BBOF1: variants seen among roughly 807,000 people sequenced by gnomAD.
BBOF1 encodes the protein basal body-orientation factor 1.
BBOF1 carries 62 observed loss-of-function variants against 68.0 expected under a neutral mutation model. The observed-to-expected ratio is 0.91, with a 90% confidence interval of 0.74 to 1.13. The LOEUF (loss-of-function observed/expected upper bound fraction) is 1.13. Among genes scored for constraint, BBOF1 ranks in the 50% most tolerant of loss-of-function variants. The probability of loss-of-function intolerance (pLI) is 0.00; values close to 1 mark genes in which losing one functional copy is unlikely to be tolerated. For missense variants in BBOF1, 534 were observed against 600.1 expected (o/e 0.89, Z 1.15); for synonymous variants, 208 against 198.8 (o/e 1.05, Z -0.39).
rs766493942 is a variant in BBOF1 at position 74,023,653 on chromosome 14, C to T, written c.285+509C>T. Among the ~76,000 whole-genome samples the T allele has an allele frequency of 1.4e-4, 21 of 151,988 alleles. 1 individual carries two copies. Among genetic ancestry groups the T allele is most frequent in the Admixed American group, 3.3e-4 (5 of 15,242 alleles). On this transcript the variant is annotated intron_variant, in intron 2 of 11. Coordinates refer to ENST00000394009, the MANE Select transcript of BBOF1 (RefSeq NM_025057.3). The stretch of plus-strand genomic sequence containing the variant: ...AAAGGAGGCCGGGTGTGGTGGCTCA[C>T]GCCTGTAATCCCACCACTTTGGGAG...
At chr14:74,075,578 G>A (rs1372122844) in intron 9 of BBOF1, among the ~76,000 whole-genome samples, 1 of 151,952 alleles carries the variant, frequency 6.6e-6, no homozygotes, top group Non-Finnish European at 1.5e-5. Flanking sequence ...GATTGCTTCA[G>A]CCCGGGAGGG....
chr14:74,049,014 A>G (rs2060010562), intron 7 of BBOF1, among the ~76,000 whole-genome samples: 1 of 152,102 alleles, frequency 6.6e-6, no homozygotes, highest in Non-Finnish European at 1.5e-5. Flanking sequence ...CTGGGACTAC[A>G]GGCATGCACC....
intron 1 of BBOF1, 26 bp from the exon 2 acceptor site, chr14:74,022,890 A>G (rs750883324): frequency 1.5e-6 from 2 of 1,319,484 alleles, no homozygotes; most frequent in South Asian, 2.5e-5. Flanking sequence ...ATAGTCATAT[A>G]CTGTCAATAT....
At chr14:74,077,737 A>G (rs1376230206) in intron 9 of BBOF1, among the ~76,000 whole-genome samples, 1 of 152,190 alleles carries the variant, frequency 6.6e-6, no homozygotes, top group East Asian at 1.9e-4. Flanking sequence ...TTAAATTTCA[A>G]CATGAGTTTT....
At chr14:74,066,744 A>G (rs1189108377), downstream of BBOF1, 13 of 1,613,930 alleles carry the variant, frequency 8.1e-6, no homozygotes, top group South Asian at 2.2e-5. Flanking sequence ...CAAAGTTGCC[A>G]TTTTCATAGC....
intron 1 of BBOF1, among the ~76,000 whole-genome samples, chr14:74,021,197 A>G (rs1179023471): frequency 1.3e-5 from 2 of 152,198 alleles, no homozygotes; most frequent in Admixed American, 6.5e-5. Flanking sequence ...TGCTTATACA[A>G]TAAATATTTA....
chr14:74,072,853 A>G (rs2060569371), intron 9 of BBOF1, among the ~76,000 whole-genome samples: 1 of 151,906 alleles, frequency 6.6e-6, no homozygotes, highest in Non-Finnish European at 1.5e-5. Flanking sequence ...TCTGGAGCAC[A>G]CAGTGGTATG....
intron 9 of BBOF1, among the ~76,000 whole-genome samples, chr14:74,073,453 C>T (rs1230508108): frequency 1.3e-5 from 2 of 152,046 alleles, no homozygotes; most frequent in African/African-American, 4.8e-5. Context: ...TGTGATCTCT[C>T]TGAGAATGGG....
At chr14:74,046,004 G>A (rs550497091) in intron 5 of BBOF1, 56 bp from the exon 6 acceptor site, 3 of 1,448,152 alleles carry the variant, frequency 2.1e-6, no homozygotes, top group East Asian at 4.8e-5. Context: ...ATCTTTTGAT[G>A]AGTAAAATTT....
chr14:74,082,474 ACTGCAAC>A (rs2060680125), intron 12 of BBOF1, among the ~76,000 whole-genome samples: 3 of 131,564 alleles, frequency 2.3e-5, no homozygotes, highest in Non-Finnish European at 4.6e-5. Context: ...ATCTCAGCTC[ACTGCAAC>A]CTCCGTCTTC....
intron 9 of BBOF1, among the ~76,000 whole-genome samples, chr14:74,056,654 A>G (rs934489520): frequency 2.6e-5 from 4 of 152,122 alleles, no homozygotes; most frequent in Non-Finnish European, 5.9e-5. Context: ...ATTTTAAAAT[A>G]ACTAAAAGAG....
Position 74,071,900 on chromosome 14 carries a change from G to T in BBOF1, n.1380-6296G>T. Reference sequence around the variant, plus strand: ...CATAAGGGGCTCCCAGCTTACGAAGGCCTCGAAATACATCTCCTTCAGCAT... The same window carrying T: ...CATAAGGGGCTCCCAGCTTACGAAGTCCTCGAAATACATCTCCTTCAGCAT... On this transcript the variant is annotated intron_variant and non_coding_transcript_variant, in intron 9 of 12. Transcript: ENST00000492026. 3.1e-6 allele frequency: 5 copies of T among 1,614,162 alleles called. No homozygotes were observed. In the South Asian group the frequency reaches 3.3e-5, roughly 11 times the overall value.
At chr14:74,022,706 T>A (rs532749693) in intron 1 of BBOF1, among the ~76,000 whole-genome samples, 11 of 152,354 alleles carry the variant, frequency 7.2e-5, no homozygotes, top group African/African-American at 2.6e-4. Flanking sequence ...AGTGAATATG[T>A]ATTTCTTTTT....
In BBOF1 at chr14:74,034,100, A is replaced by G. The variant is rs1469504852; in HGVS notation, c.424A>G (p.Ile142Val). The G allele has an allele frequency of 3.1e-6, 5 of 1,605,984 alleles. No individual in the cohort carries two copies. The Admixed American group carries it at 5.1e-5, about 16-fold the overall frequency. The change falls in exon 4 of 12, where the codon ATT becomes GTT. Residue 142 changes from isoleucine (I) to valine (V), a missense_variant. Physicochemically the swap from Ile to Val is conservative, Grantham distance 29. Coordinates refer to ENST00000394009, the MANE Select transcript of BBOF1 (RefSeq NM_025057.3). ...FHQKAKEIGM[I>V]HTELKAVRQF... ...TCAAAAAGCCAAAGAAATTGGCATG[A>G]TTCACACAGAGCTGAAAGCAGTAAG...
At chr14:74,020,137 C>A (rs1387326689) in intron 1 of BBOF1, among the ~76,000 whole-genome samples, 1 of 152,206 alleles carries the variant, frequency 6.6e-6, no homozygotes, top group African/African-American at 2.4e-5. Flanking sequence ...AAAATAAACA[C>A]TACTATATTT....
At chr14:74,080,368 CTTT>C (rs35450547) in intron 10 of BBOF1, among the ~76,000 whole-genome samples, 2 of 128,960 alleles carry the variant, frequency 1.6e-5, no homozygotes. Flanking sequence ...TAAACTCTTT[CTTT>C]TTTTTTTTTT....
chr14:74,038,499 T>C (rs1015835698), intron 4 of BBOF1, among the ~76,000 whole-genome samples: 2 of 152,152 alleles, frequency 1.3e-5, no homozygotes, highest in Non-Finnish European at 2.9e-5. Context: ...ATTCAAAAGA[T>C]ATTGGCTTAT....
chr14:74,047,708 G>A (rs2059982101), intron 6 of BBOF1, among the ~76,000 whole-genome samples: 4 of 152,126 alleles, frequency 2.6e-5, no homozygotes, highest in South Asian at 2.1e-4. Flanking sequence ...CAAAGTGCTG[G>A]GATTATAGAT....
At chr14:74,057,983 C>T in intron 11 of BBOF1, 3 of 813,322 alleles carry the variant, frequency 3.7e-6, no homozygotes, top group Non-Finnish European at 4.5e-6. Flanking sequence ...GGAATATAGA[C>T]AATAATGACC....
Sources: allele counts gnomAD v4.1 joint callset (sites outside exome capture counted in the v4.1 genomes callset), GRCh38; gene constraint gnomAD v4.1.1; transcripts MANE v1.5; gene names NCBI Gene and HGNC (gene_info 2026-07-23, HGNC 2026-07-21).